The following ELP4 variants were observed in gnomAD, a reference collection of about 807,000 sequenced individuals.
The protein encoded by ELP4 is elongator complex protein 4.
ELP4 carries 51 observed loss-of-function variants against 48.9 expected under a neutral mutation model. That is an observed-to-expected ratio of 1.04 (90% confidence interval 0.83 to 1.32). The LOEUF (loss-of-function observed/expected upper bound fraction) is 1.32. Ranked by LOEUF, ELP4 falls within the 40% of genes most tolerant of loss-of-function variation. The pLI, the probability that ELP4 is intolerant of heterozygous loss-of-function variation, is 0.00. For missense variants in ELP4, 519 were observed against 514.6 expected, an observed-to-expected ratio of 1.01 and a Z score of -0.08; for synonymous variants, 210 against 189.2, an observed-to-expected ratio of 1.11 and a Z score of -0.90.
At chr11:31,742,116 C>T (rs1483264345) in intron 9 of ELP4, among the ~76,000 whole-genome samples, 3 of 151,950 alleles carry the variant, frequency 2.0e-5, no homozygotes, top group South Asian at 2.1e-4. Context: ...CCTCAGTAGC[C>T]GATGCGATTA....
At chr11:31,613,688 C>T (rs905839989) in intron 5 of ELP4, among the ~76,000 whole-genome samples, 20 of 147,122 alleles carry the variant, frequency 1.4e-4, no homozygotes, top group South Asian at 6.6e-4. Context: ...ATGTTTTATA[C>T]GTTTGAATTT....
At chr11:31,745,654 T>G (rs1432280827) in intron 9 of ELP4, among the ~76,000 whole-genome samples, 1 of 152,146 alleles carries the variant, frequency 6.6e-6, no homozygotes, top group Non-Finnish European at 1.5e-5. Context: ...GATTCCCTAT[T>G]TAATAAATGG....
chr11:31,743,779 C>T (rs1947514021), intron 9 of ELP4, among the ~76,000 whole-genome samples: 1 of 151,350 alleles, frequency 6.6e-6, no homozygotes, highest in Non-Finnish European at 1.5e-5. Flanking sequence ...GCACTAAATG[C>T]CCACAAAAGA....
chr11:31,672,306 G>C (rs1365120488), intron 9 of ELP4, among the ~76,000 whole-genome samples: 1 of 152,130 alleles, frequency 6.6e-6, no homozygotes, highest in Non-Finnish European at 1.5e-5. Flanking sequence ...TGTTCAAATT[G>C]TTTTGTTTAT....
At chr11:31,681,418 G>T (rs922528045) in intron 9 of ELP4, among the ~76,000 whole-genome samples, 1 of 152,150 alleles carries the variant, frequency 6.6e-6, no homozygotes, top group African/African-American at 2.4e-5. Context: ...TTAGACAGCT[G>T]CTATGTGTAA....
intron 5 of ELP4, among the ~76,000 whole-genome samples, chr11:31,619,663 G>GT (rs34952028): frequency 0.3 from 43,843 of 145,156 alleles, 7,017 homozygotes; most frequent in African/African-American, 0.44. Flanking sequence ...GTTTTTTATT[G>GT]TTTTTTTTTT....
At chr11:31,577,244 G>C (rs1957300103) in intron 3 of ELP4, among the ~76,000 whole-genome samples, 1 of 152,114 alleles carries the variant, frequency 6.6e-6, no homozygotes, top group Non-Finnish European at 1.5e-5. Context: ...GGAAGAAGTT[G>C]AATCCCTGTA....
chr11:31,562,776 G>A (rs902800138), intron 3 of ELP4, among the ~76,000 whole-genome samples: 1 of 152,038 alleles, frequency 6.6e-6, no homozygotes, highest in African/African-American at 2.4e-5. Context: ...TAAAATCTGA[G>A]TTTTAAAAAC....
At chr11:31,688,867 A>G (rs1379576588) in intron 9 of ELP4, among the ~76,000 whole-genome samples, 1 of 152,120 alleles carries the variant, frequency 6.6e-6, no homozygotes, top group African/African-American at 2.4e-5. Context: ...TGAGGATTTG[A>G]GGGGGGAAAA....
chr11:31,755,029 A>G (rs1175226307), intron 9 of ELP4, among the ~76,000 whole-genome samples: 4 of 152,218 alleles, frequency 2.6e-5, no homozygotes, highest in African/African-American at 9.6e-5. Flanking sequence ...AAGGAGGGAA[A>G]ATATAAAACA....
intron 1 of ELP4, among the ~76,000 whole-genome samples, chr11:31,517,138 A>G (rs894729084): frequency 6.6e-6 from 1 of 152,148 alleles, no homozygotes; most frequent in Admixed American, 6.5e-5. Flanking sequence ...TGTTTAACAC[A>G]TAATAGTTAT....
At chr11:31,745,286 A>T (rs1947559985) in intron 9 of ELP4, among the ~76,000 whole-genome samples, 1 of 152,198 alleles carries the variant, frequency 6.6e-6, no homozygotes, top group Non-Finnish European at 1.5e-5. Flanking sequence ...GGGTAGGAAG[A>T]ATCAATATTG....
At chr11:31,755,047 A>G (rs763527969) in intron 9 of ELP4, among the ~76,000 whole-genome samples, 28 of 152,290 alleles carry the variant, frequency 1.8e-4, no homozygotes, top group Middle Eastern at 6.8e-3. Flanking sequence ...ACAAGACTGA[A>G]CATCATGTGC....
intron 3 of ELP4, among the ~76,000 whole-genome samples, chr11:31,553,113 C>T (rs1956877658): frequency 6.6e-6 from 1 of 152,216 alleles, no homozygotes; most frequent in Non-Finnish European, 1.5e-5. Flanking sequence ...CATAACCTTA[C>T]TGTCACCTGA....
At chr11:31,537,515 CT>C (rs879831609) in intron 2 of ELP4, among the ~76,000 whole-genome samples, 6 of 152,128 alleles carry the variant, frequency 3.9e-5, no homozygotes, top group Non-Finnish European at 7.3e-5. Flanking sequence ...ATAATTGAGA[CT>C]GGGTAATTTG....
intron 3 of ELP4, among the ~76,000 whole-genome samples, chr11:31,547,047 T>C (rs1483398206): frequency 1.3e-5 from 2 of 151,936 alleles, no homozygotes; most frequent in African/African-American, 4.8e-5. Flanking sequence ...AGATCCAAAA[T>C]TGACACCCTA....
At chr11:31,603,269 T>C (rs951489730) in intron 4 of ELP4, among the ~76,000 whole-genome samples, 3 of 151,870 alleles carry the variant, frequency 2.0e-5, no homozygotes, top group African/African-American at 7.2e-5. Context: ...TATACACGTA[T>C]ATTGTCTTAT....
intron 9 of ELP4, among the ~76,000 whole-genome samples, chr11:31,742,979 C>A (rs1947492212): frequency 6.6e-6 from 1 of 152,102 alleles, no homozygotes; most frequent in Non-Finnish European, 1.5e-5. Flanking sequence ...AGTCAAGACC[C>A]ATCAGTGTGC....
chr11:31,651,725 C>T (rs1945323019), intron 9 of ELP4: 1 of 151,664 alleles, frequency 6.6e-6, no homozygotes, highest in Non-Finnish European at 1.5e-5. Context: ...CTCCATGTGG[C>T]ACCTTTTCCC....
Sources: allele counts gnomAD v4.1 joint callset (sites outside exome capture counted in the v4.1 genomes callset), GRCh38; gene constraint gnomAD v4.1.1; transcripts MANE v1.5; gene names NCBI Gene and HGNC (gene_info 2026-07-23, HGNC 2026-07-21).